EGF: variants seen among roughly 807,000 people sequenced by gnomAD.
EGF encodes epidermal growth factor.
In EGF, 95 loss-of-function variants were observed where a neutral mutation model predicts 143.8. The ratio of observed to expected loss-of-function variants is 0.66; its 90% CI spans 0.56 to 0.78. The LOEUF (loss-of-function observed/expected upper bound fraction) is 0.78, where lower values mean the gene tolerates loss of function less well. Among genes scored for constraint, EGF ranks in the 30% least tolerant of loss-of-function variants. EGF has a pLI of 0.00. For missense variants in EGF, 1,320 were observed against 1,470.9 expected (o/e 0.90, Z 1.68); for synonymous variants, 510 against 510.5 (o/e 1.00, Z 0.01).
intron 19 of EGF, 137 bp from the exon 20 acceptor site, chr4:109,994,596 T>A: frequency 9.8e-7 from 1 of 1,022,358 alleles, no homozygotes; most frequent in Non-Finnish European, 1.5e-6. Flanking sequence ...AAAGTGAAAC[T>A]ATTGTCCCTT....
chr4:109,974,633 G>A, intron 11 of EGF, 70 bp from the exon 12 acceptor site: 8 of 1,139,460 alleles, frequency 7.0e-6, no homozygotes, highest in Admixed American at 1.7e-5. Context: ...TCAGAAAGAG[G>A]AGAAAGGAGT....
intron 15 of EGF, among the ~76,000 whole-genome samples, chr4:109,981,298 G>A (rs1749320625): frequency 6.6e-6 from 1 of 152,150 alleles, no homozygotes; most frequent in Middle Eastern, 3.2e-3. Flanking sequence ...GCGATATTTT[G>A]TTTAGAAGTT....
intron 2 of EGF, 130 bp from the exon 3 acceptor site, chr4:109,943,124 T>G: frequency 1.6e-6 from 1 of 627,588 alleles, no homozygotes; most frequent in Non-Finnish European, 2.6e-6. Flanking sequence ...ATTTTATTAT[T>G]TAAACAATTT....
At chr4:109,965,290 C>T (rs1019294167) in intron 10 of EGF, among the ~76,000 whole-genome samples, 12 of 152,118 alleles carry the variant, frequency 7.9e-5, no homozygotes, top group Admixed American at 2.0e-4. Flanking sequence ...CCTAGACTTT[C>T]AAACTTTGGG....
At position 109,980,264 on chromosome 4, in the gene EGF, G is replaced by T. The variant is rs77373718; in HGVS notation, c.2221+125G>T. The T allele has an allele frequency of 2.9e-3, 2,873 of 1,005,814 alleles. 59 individuals carry two copies. In the African/African-American group the frequency reaches 0.043, roughly 15 times the overall value. 62.3% of individuals were successfully genotyped at this position (1,005,814 alleles called of 1,614,324 possible). On this transcript the variant is annotated intron_variant, in intron 14 of 23. Transcript: ENST00000265171. ...TGTAACTTTCACTAACTGTGTAGAT[G>T]TTAAGATTTTCTAAGATTTAAGTTT...
intron 1 of EGF, among the ~76,000 whole-genome samples, chr4:109,917,699 C>T (rs573663881): frequency 1.3e-5 from 2 of 152,158 alleles, no homozygotes; most frequent in Non-Finnish European, 2.9e-5. Context: ...TGGCTCACTG[C>T]AACCTCCGCC....
intron 4 of EGF, among the ~76,000 whole-genome samples, 166 bp downstream of exon 4, chr4:109,944,235 C>T (rs951046952): frequency 1.2e-4 from 18 of 152,168 alleles, no homozygotes; most frequent in Non-Finnish European, 2.4e-4. Context: ...GTCAGGAGAT[C>T]GAGACCATCC....
rs1445117231 is a variant in EGF at position 109,969,223 on chromosome 4, G to A, written c.1724+104G>A. 2.0e-5 allele frequency: 31 copies of A among 1,516,774 alleles called. No individual in the cohort carries two copies. The East Asian group carries it at 2.9e-4, about 14-fold the overall frequency. 94.0% of individuals were successfully genotyped at this position (1,516,774 alleles called of 1,614,324 possible). A position where few individuals can be genotyped will look rare whatever the true frequency, so the allele number is the denominator to read the frequency against. Reference sequence around the variant, plus strand: ...TTTGAACACAGAAAAATGTTGCTGGGCATTTGGTTGGGATTGGAGAAAAGA... The same window carrying A: ...TTTGAACACAGAAAAATGTTGCTGGACATTTGGTTGGGATTGGAGAAAAGA... On this transcript the variant is annotated intron_variant, in intron 11 of 23. Transcript: ENST00000265171.
intron 5 of EGF, among the ~76,000 whole-genome samples, chr4:109,958,833 G>A (rs990473233): frequency 1.3e-5 from 2 of 149,242 alleles, no homozygotes; most frequent in East Asian, 2.0e-4. Context: ...CAGGAGAATC[G>A]CTTGAACACA....
intron 10 of EGF, among the ~76,000 whole-genome samples, chr4:109,966,193 T>C (rs1746545713): frequency 6.6e-6 from 1 of 152,020 alleles, no homozygotes; most frequent in African/African-American, 2.4e-5. Flanking sequence ...TTTCACCTGT[T>C]ACCCCCCTGC....
At chr4:109,968,553 A>G (rs11568976) in intron 10 of EGF, among the ~76,000 whole-genome samples, 2,675 of 152,264 alleles carry the variant, frequency 0.018, 71 homozygotes, top group African/African-American at 0.06. Flanking sequence ...AATATGTGCC[A>G]GATACATGGC....
intron 14 of EGF, 42 bp from the exon 15 acceptor site, chr4:109,980,784 A>C (rs545551248): frequency 1.2e-6 from 2 of 1,613,472 alleles, no homozygotes; most frequent in South Asian, 2.2e-5. Context: ...CATCCTTTTC[A>C]TCTTCAAACC....
At position 109,943,348 on chromosome 4, in the gene EGF, C is replaced by G; in HGVS notation, c.422C>G (p.Thr141Arg). Residue 141 changes from threonine (T) to arginine (R), a missense_variant, in exon 3 of 24, where the codon ACA becomes AGA. Thr to Arg is a moderately conservative substitution (Grantham distance 71). Coordinates refer to ENST00000265171, the MANE Select transcript of EGF (RefSeq NM_001963.6). ...IWSNQQEGII[T>R]VTDMKGNNSH... ...TCAAATCAACAGGAAGGAATCATTACAGTAACAGATATGAAAGGAAATAAT... is the reference window on the plus strand; with the variant it reads ...TCAAATCAACAGGAAGGAATCATTAGAGTAACAGATATGAAAGGAAATAAT... 1 of 1,613,092 alleles carries G rather than the reference C, an allele frequency of 6.2e-7. No individual in the cohort carries two copies. Among genetic ancestry groups the G allele is most frequent in the Non-Finnish European group, 8.5e-7 (1 of 1,179,346 alleles).
intron 5 of EGF, among the ~76,000 whole-genome samples, chr4:109,952,757 A>G (rs1195851860): frequency 6.6e-6 from 1 of 152,234 alleles, no homozygotes; most frequent in East Asian, 1.9e-4. Flanking sequence ...ATGCCATTGC[A>G]GCAAGCATAG....
At chr4:110,006,046 GGA>G in intron 22 of EGF, among the ~76,000 whole-genome samples, 1 of 143,878 alleles carries the variant, frequency 7.0e-6, no homozygotes, top group East Asian at 2.0e-4. Context: ...CAAGTATGGG[GGA>G]AAAAAATAGA....
In EGF at chr4:109,988,724, G is replaced by A. The variant is rs762318406; in HGVS notation, c.2734+15G>A. ...TCACTGTCTTGGTAAGAGGACACATGTGCTGGGGAGGAGGGCAGAGGCAGG... is the reference window on the plus strand; with the variant it reads ...TCACTGTCTTGGTAAGAGGACACATATGCTGGGGAGGAGGGCAGAGGCAGG... On this transcript the variant is annotated intron_variant, in intron 18 of 23. Transcript: ENST00000265171. 9 of 1,613,652 alleles carry A rather than the reference G, an allele frequency of 5.6e-6. No individual in the cohort carries two copies. The highest frequency in any genetic ancestry group is 1.7e-4 in the Middle Eastern group (1 of 5,998).
intron 11 of EGF, among the ~76,000 whole-genome samples, chr4:109,972,581 C>T (rs1045700621): frequency 6.6e-6 from 1 of 152,164 alleles, no homozygotes; most frequent in Non-Finnish European, 1.5e-5. Context: ...GAACTTGACA[C>T]ATTAAGTTCA....
intron 18 of EGF, among the ~76,000 whole-genome samples, chr4:109,990,164 T>C (rs757149117): frequency 3.3e-5 from 5 of 152,160 alleles, no homozygotes; most frequent in Admixed American, 6.5e-5. Context: ...GGGATAGCAA[T>C]TCAATGTGTT....
intron 20 of EGF, among the ~76,000 whole-genome samples, chr4:109,997,570 T>A (rs112582363): frequency 2.0e-5 from 3 of 151,922 alleles, no homozygotes; most frequent in African/African-American, 7.2e-5. Context: ...CACGCCATTC[T>A]CCTGCCTCAG....
Sources: allele counts gnomAD v4.1 joint callset (sites outside exome capture counted in the v4.1 genomes callset), GRCh38; gene constraint gnomAD v4.1.1; transcripts MANE v1.5; gene names NCBI Gene and HGNC (gene_info 2026-07-23, HGNC 2026-07-21).